TEX9: variants seen among roughly 807,000 people sequenced by gnomAD.
TEX9 encodes the protein testis expressed 9.
TEX9 carries 74 observed loss-of-function variants against 59.6 expected under a neutral mutation model. That is an observed-to-expected ratio of 1.24 (90% CI 1.03 to 1.51). The LOEUF (loss-of-function observed/expected upper bound fraction) is 1.51, where lower values mean the gene tolerates loss of function less well. Among genes scored for constraint, TEX9 ranks in the 40% most tolerant of loss-of-function variants. TEX9 has a pLI of 0.00. For synonymous variants in TEX9, 186 were observed against 152.2 expected (o/e 1.22, Z -1.64); for missense variants, 522 against 447.8 (o/e 1.17, Z -1.49).
chr15:56,448,748 ATTCT>A (rs1487665740), downstream of TEX9, among the ~76,000 whole-genome samples: 1 of 134,422 alleles, frequency 7.4e-6, no homozygotes, highest in Non-Finnish European at 1.6e-5. Flanking sequence ...TTATTTTTAG[ATTCT>A]TTTTTTTTTT....
chr15:56,259,475 A>G (rs562987608), intron 1 of TEX9, among the ~76,000 whole-genome samples: 3 of 152,186 alleles, frequency 2.0e-5, no homozygotes, highest in Non-Finnish European at 4.4e-5. Context: ...CATGTGAATT[A>G]TTTAATTGCT....
At chr15:56,418,641 ACT>A (rs1183093071) in intron 10 of TEX9, among the ~76,000 whole-genome samples, 1 of 151,414 alleles carries the variant, frequency 6.6e-6, no homozygotes, top group Admixed American at 6.6e-5. Context: ...ACAGAGCGAG[ACT>A]CTGTCTCAAA....
At chr15:56,250,278 C>G (rs926831760) in intron 1 of TEX9, among the ~76,000 whole-genome samples, 1 of 152,156 alleles carries the variant, frequency 6.6e-6, no homozygotes, top group African/African-American at 2.4e-5. Context: ...TAGCTAATAA[C>G]TGCTAAGGAA....
intron 12 of TEX9, among the ~76,000 whole-genome samples, chr15:56,435,137 C>G (rs1310026201): frequency 6.6e-6 from 1 of 151,928 alleles, no homozygotes; most frequent in Non-Finnish European, 1.5e-5. Flanking sequence ...TGAGATGCTG[C>G]TAAAGCAGTT....
chr15:56,416,254 T>C (rs1261201250), intron 10 of TEX9, among the ~76,000 whole-genome samples: 1 of 151,832 alleles, frequency 6.6e-6, no homozygotes, highest in African/African-American at 2.4e-5. Flanking sequence ...CAATACTATG[T>C]TGAATAGTGT....
At chr15:56,347,888 A>T (rs1370608817) in intron 1 of TEX9, among the ~76,000 whole-genome samples, 1 of 152,134 alleles carries the variant, frequency 6.6e-6, no homozygotes, top group Non-Finnish European at 1.5e-5. Flanking sequence ...AGTATATAGA[A>T]CATATAATGA....
intron 4 of TEX9, among the ~76,000 whole-genome samples, chr15:56,386,609 C>T (rs545591480): frequency 2.0e-5 from 3 of 151,750 alleles, no homozygotes; most frequent in Non-Finnish European, 2.9e-5. Context: ...CATATGTATG[C>T]GTACATATAC....
intron 1 of TEX9, among the ~76,000 whole-genome samples, chr15:56,322,863 A>G (rs2045933071): frequency 6.6e-6 from 1 of 152,154 alleles, no homozygotes; most frequent in Admixed American, 6.5e-5. Flanking sequence ...CACATGTTGA[A>G]GACAAGGTGG....
At chr15:56,388,049 A>T (rs1412726320) in intron 4 of TEX9, among the ~76,000 whole-genome samples, 3 of 152,042 alleles carry the variant, frequency 2.0e-5, no homozygotes, top group Non-Finnish European at 4.4e-5. Flanking sequence ...TTCTACCCTC[A>T]TAGAGTTCAC....
At chr15:56,391,373 T>C (rs780117519) in exon 7 of TEX9, 9 of 1,567,850 alleles carry the variant, frequency 5.7e-6, no homozygotes, top group Non-Finnish European at 7.8e-6. Context: ...CTTACCTGAA[T>C]ATATAGATGA....
chr15:56,380,162 TA>T (rs1297955337), intron 3 of TEX9, among the ~76,000 whole-genome samples: 4 of 152,200 alleles, frequency 2.6e-5, no homozygotes, highest in Admixed American at 2.6e-4. Flanking sequence ...TCCTGATTTT[TA>T]TTTTTTGTGT....
intron 1 of TEX9, among the ~76,000 whole-genome samples, chr15:56,266,088 T>TG (rs1333098628): frequency 6.6e-6 from 1 of 152,166 alleles, no homozygotes; most frequent in Non-Finnish European, 1.5e-5. Context: ...TGCATTTTTT[T>TG]GTATATTCTT....
intron 1 of TEX9, among the ~76,000 whole-genome samples, chr15:56,249,485 G>A (rs1261235796): frequency 1.3e-5 from 2 of 151,608 alleles, no homozygotes; most frequent in African/African-American, 4.8e-5. Flanking sequence ...GAGGGAGGGA[G>A]GGAAGGAAGG....
the TEX9 span, among the ~76,000 whole-genome samples, chr15:56,457,710 G>A: frequency 3.3e-5 from 5 of 151,930 alleles, no homozygotes; most frequent in Middle Eastern, 3.4e-3. Flanking sequence ...GCTGTATCAG[G>A]AGGTTGAGGT....
At chr15:56,420,632 A>G (rs994373264) in intron 10 of TEX9, among the ~76,000 whole-genome samples, 2 of 151,910 alleles carry the variant, frequency 1.3e-5, no homozygotes, top group South Asian at 4.1e-4. Context: ...TTAAAATGGA[A>G]GTGGAGACTG....
chr15:56,431,585 GATAAA>G, intron 12 of TEX9: 1 of 1,311,660 alleles, frequency 7.6e-7, no homozygotes, highest in South Asian at 1.3e-5. Context: ...CAATGAATTA[GATAAA>G]ATTGATGAAC....
At chr15:56,260,639 T>C (rs1240071956) in intron 1 of TEX9, among the ~76,000 whole-genome samples, 1 of 152,104 alleles carries the variant, frequency 6.6e-6, no homozygotes, top group African/African-American at 2.4e-5. Flanking sequence ...TCTTTGGATT[T>C]GATTATTTAA....
chr15:56,456,778 C>T, the TEX9 span, among the ~76,000 whole-genome samples: 1 of 151,994 alleles, frequency 6.6e-6, no homozygotes, highest in Non-Finnish European at 1.5e-5. Flanking sequence ...CAAAAATTGT[C>T]GACATTCTGC....
At position 56,295,074 on chromosome 15, in the gene TEX9, A is replaced by G. The variant is rs2045186957; in HGVS notation, c.-107+50796A>G. ...TTTTCCTTAACTAGTAATAAACTAT[A>G]TATTTTTAATTCTATAATATAAGCC... is the stretch of plus-strand genomic sequence containing the variant. On this transcript the variant is annotated intron_variant, in intron 1 of 5. Transcript: ENST00000560827. Among the ~76,000 whole-genome samples the G allele has an allele frequency of 5.3e-5, 8 of 152,264 alleles. No individual in the cohort carries two copies. In the South Asian group the frequency reaches 1.7e-3, roughly 32 times the overall value.
Sources: allele counts gnomAD v4.1 joint callset (sites outside exome capture counted in the v4.1 genomes callset), GRCh38; gene constraint gnomAD v4.1.1; transcripts MANE v1.5; gene names NCBI Gene and HGNC (gene_info 2026-07-23, HGNC 2026-07-21).